DSCAML1: variants seen among roughly 807,000 people sequenced by gnomAD.
DSCAML1 encodes the protein DS cell adhesion molecule like 1.
In DSCAML1, 38 loss-of-function variants were observed where a neutral mutation model predicts 200.5. That is an observed-to-expected ratio of 0.19 (90% CI 0.15 to 0.25). The LOEUF is 0.25. DSCAML1 is among the 10% of genes least tolerant of loss of function. The pLI is 1.00. For missense variants in DSCAML1, 2,223 were observed against 2,858.8 expected (o/e 0.78, Z 5.07); for synonymous variants, 1,215 against 1,165.0 (o/e 1.04, Z -0.87).
intron 3 of DSCAML1, among the ~76,000 whole-genome samples, chr11:117,579,395 C>G (rs553193301): frequency 1.3e-5 from 2 of 152,352 alleles, no homozygotes; most frequent in East Asian, 1.9e-4. Flanking sequence ...CTCCAGCTCT[C>G]TGCCCACTCC....
rs2049484926 is a variant in DSCAML1, at chr11:117,505,793, C to T, written c.1784-61G>A. ...GTGCATTCTCACCTGGCCGCCAACGCCGCCTCACCTGCCTTACCTGGGGCT... is the reference window on the plus strand; with the variant it reads ...GTGCATTCTCACCTGGCCGCCAACGTCGCCTCACCTGCCTTACCTGGGGCT... On this transcript the variant is annotated intron_variant, in intron 8 of 32. Transcript: ENST00000651296. This position sits in a 1 kb window ranked among gnomAD's most constrained non-coding sequence, Gnocchi z 6.7. 1 of 1,547,024 alleles carries T rather than the reference C, an allele frequency of 6.5e-7. No individual in the cohort carries two copies. The highest frequency in any genetic ancestry group is 1.8e-5 in the Admixed American group (1 of 55,766).
rs977763313 is a variant in DSCAML1, at chr11:117,814,950, G to T, written c.-250+2440C>A. Among the ~76,000 whole-genome samples, 16 of 152,370 alleles carry T rather than the reference G, an allele frequency of 1.1e-4. No individual in the cohort carries two copies. The East Asian group carries it at 2.5e-3, about 24-fold the overall frequency. On this transcript the variant is annotated intron_variant, in intron 1 of 2. Transcript: ENST00000525836. Reference sequence around the variant, plus strand: ...AGCCGAGGACACCGGGTTCCCGTGTGGGCTGGGTTTGGCACGCACTCGGTT... The same window carrying T: ...AGCCGAGGACACCGGGTTCCCGTGTTGGCTGGGTTTGGCACGCACTCGGTT...
At chr11:117,429,733 A>T (rs1253192432) in intron 32 of DSCAML1, among the ~76,000 whole-genome samples, 1 of 151,062 alleles carries the variant, frequency 6.6e-6, no homozygotes, top group South Asian at 2.1e-4. Context: ...CCACCGCCTG[A>T]CCCCCCGTGC....
intron 11 of DSCAML1, among the ~76,000 whole-genome samples, chr11:117,499,172 ACCT>A (rs2049349893): frequency 6.6e-6 from 1 of 151,908 alleles, no homozygotes; most frequent in Non-Finnish European, 1.5e-5. Context: ...AGGGGGAATG[ACCT>A]CCTCCTCCTT....
chr11:117,457,562 A>G (rs1191281548), intron 19 of DSCAML1, among the ~76,000 whole-genome samples: 1 of 152,148 alleles, frequency 6.6e-6, no homozygotes, highest in African/African-American at 2.4e-5. Flanking sequence ...GGAGGCCTTG[A>G]TGGGAGGATT....
In DSCAML1 at chr11:117,780,696, C is replaced by G. The variant is rs763739528; in HGVS notation, c.161G>C (p.Ser54Thr). ...VVPCPAAGSP[S>T]AALRWYLATG... ...GGCCAGGTACCATCGAAGGGCCGCG[C>G]TGGGGGAGCCCGCGGCCGGGCAGGG... The change falls in exon 2 of 33, where the codon AGC becomes ACC. Residue 54 changes from serine to threonine, a missense_variant. Physicochemically the swap from Ser to Thr is moderately conservative, Grantham distance 58 (BLOSUM62 1). Coordinates refer to ENST00000651296, the MANE Select transcript of DSCAML1 (RefSeq NM_020693.4). The surrounding 1 kb of genome is among the most constrained non-coding windows in gnomAD (Gnocchi z 4.8). 1.3e-6 allele frequency: 2 copies of G among 1,585,830 alleles called. No individual in the cohort carries two copies. Among genetic ancestry groups the G allele is most frequent in the Non-Finnish European group, 1.7e-6 (2 of 1,164,736 alleles).
chr11:117,635,684 C>T lies in DSCAML1; in HGVS notation c.512-103162G>A, dbSNP rs528640671. ...GGAAAAGAGAAAGGGCAAAGGAGAT[C>T]GATCAAAGTTGAAGAGGGAGAAGGC... On this transcript the variant is annotated intron_variant, in intron 3 of 32. Coordinates refer to ENST00000651296, the MANE Select transcript of DSCAML1 (RefSeq NM_020693.4). 3.3e-5 allele frequency among the ~76,000 whole-genome samples: 5 copies of T among 150,980 alleles called. No individual in the cohort carries two copies. The South Asian group carries it at 6.3e-4, about 19-fold the overall frequency.
chr11:117,577,458 T>TTCCCTCC (rs1555186443), intron 3 of DSCAML1, among the ~76,000 whole-genome samples: 3 of 57,358 alleles, frequency 5.2e-5, no homozygotes, highest in Admixed American at 2.1e-4. Context: ...CCTTCCTTCC[T>TTCCCTCC]TTCCTTCCTT....
At chr11:117,638,298 T>C (rs994507148) in intron 3 of DSCAML1, among the ~76,000 whole-genome samples, 4 of 148,810 alleles carry the variant, frequency 2.7e-5, no homozygotes, top group Non-Finnish European at 5.9e-5. Flanking sequence ...GTCATCCTAG[T>C]TCCACACAAG....
At chr11:117,735,522 G>A (rs1172862028) in intron 3 of DSCAML1, among the ~76,000 whole-genome samples, 3 of 152,104 alleles carry the variant, frequency 2.0e-5, no homozygotes, top group African/African-American at 4.8e-5. Context: ...TCTACAAGAG[G>A]AGGACAATAA....
At chr11:117,519,481 C>G (rs903527976) in intron 6 of DSCAML1, among the ~76,000 whole-genome samples, 7 of 152,212 alleles carry the variant, frequency 4.6e-5, no homozygotes, top group African/African-American at 1.7e-4. Context: ...CCCTGGCCAT[C>G]CTTCCGCACA....
rs181445962 is a variant in DSCAML1, at chr11:117,742,892, G to A, written c.511+33899C>T. ...CCAGAGACCTATGTCAGGAAATGGC[G>A]ATTAACATGAGGTCGCTGGGTTACT... On this transcript the variant is annotated intron_variant, in intron 3 of 32. Coordinates refer to ENST00000651296, the MANE Select transcript of DSCAML1 (RefSeq NM_020693.4). Among the ~76,000 whole-genome samples the A allele has an allele frequency of 1.8e-4, 27 of 152,288 alleles. 2 individuals are homozygous for A. In the East Asian group the frequency reaches 3.1e-3, roughly 17 times the overall value.
Position 117,520,925 on chromosome 11 carries a change from G to A in DSCAML1, c.1213+205C>T, listed in dbSNP as rs185245245. ...AGCCTGAGAGACAGAGTGGGACTCT[G>A]CCTCAAAAAAGGAAAAAAGATTAAA... On this transcript the variant is annotated intron_variant, in intron 6 of 32. Coordinates refer to ENST00000651296, the MANE Select transcript of DSCAML1 (RefSeq NM_020693.4). Among the ~76,000 whole-genome samples, 291 of 152,218 alleles carry A rather than the reference G, an allele frequency of 1.9e-3. 1 individual carries two copies. Among genetic ancestry groups the A allele is most frequent in the African/African-American group, 5.4e-3 (223 of 41,522 alleles).
intron 3 of DSCAML1, among the ~76,000 whole-genome samples, chr11:117,659,663 C>A (rs2052802599): frequency 6.6e-6 from 1 of 152,052 alleles, no homozygotes; most frequent in African/African-American, 2.4e-5. Flanking sequence ...CTGCTCTGGG[C>A]CAGTATCAGC....
At chr11:117,795,763 G>A (rs187950891) in intron 1 of DSCAML1, among the ~76,000 whole-genome samples, 3 of 152,240 alleles carry the variant, frequency 2.0e-5, no homozygotes, top group Non-Finnish European at 4.4e-5. Context: ...AGTGGGCTCC[G>A]GCAGGCTGCA....
At chr11:117,770,831 G>A (rs2055025207) in intron 3 of DSCAML1, among the ~76,000 whole-genome samples, 1 of 152,168 alleles carries the variant, frequency 6.6e-6, no homozygotes, top group South Asian at 2.1e-4. Flanking sequence ...CATGGAAAAA[G>A]TAGTATTTGA....
Position 117,505,260 on chromosome 11 carries a change from T to C in DSCAML1, c.2062+194A>G, listed in dbSNP as rs908698761. ...AGTCCTGCCTTTGCCACTGACTAAC[T>C]GAGCAAGTGTCTCTCTGCTCAGGGC... is the stretch of plus-strand genomic sequence containing the variant. On this transcript the variant is annotated intron_variant, in intron 9 of 32. Transcript: ENST00000651296. The surrounding 1 kb of genome is among the most constrained non-coding windows in gnomAD (Gnocchi z 6.7). 6.6e-6 allele frequency among the ~76,000 whole-genome samples: 1 copy of C among 152,140 alleles called. No homozygotes were observed. The highest frequency in any genetic ancestry group is 2.4e-5 in the African/African-American group (1 of 41,424).
chr11:117,585,750 G>A (rs962603221), intron 3 of DSCAML1, among the ~76,000 whole-genome samples: 9 of 152,146 alleles, frequency 5.9e-5, no homozygotes, highest in Non-Finnish European at 8.8e-5. Context: ...TGGTGCCTCT[G>A]TCTGGGAGCA....
intron 16 of DSCAML1, among the ~76,000 whole-genome samples, chr11:117,466,882 G>GA (rs921558077): frequency 2.6e-5 from 4 of 152,164 alleles, no homozygotes; most frequent in African/African-American, 9.7e-5. Flanking sequence ...TAAAACTAGA[G>GA]AAAAAAAGAT....
Sources: allele counts gnomAD v4.1 joint callset (sites outside exome capture counted in the v4.1 genomes callset), GRCh38; gene constraint gnomAD v4.1.1; non-coding constraint Gnocchi (gnomAD v3.1); transcripts MANE v1.5; gene names NCBI Gene and HGNC (gene_info 2026-07-23, HGNC 2026-07-21).